DCK: variants seen among roughly 807,000 people sequenced by gnomAD.
DCK encodes deoxycytidine kinase.
A neutral mutation model predicts 38.3 loss-of-function variants in DCK; 23 were observed. That is an observed-to-expected ratio of 0.60 (90% CI 0.43 to 0.85). The LOEUF (loss-of-function observed/expected upper bound fraction) is 0.85, where lower values mean the gene tolerates loss of function less well. Ranked by LOEUF, DCK falls within the 40% of genes least tolerant of loss-of-function variation. The probability of loss-of-function intolerance (pLI) is 0.00; values close to 1 mark genes in which losing one functional copy is unlikely to be tolerated. For missense variants in DCK, 259 were observed against 304.4 expected, an observed-to-expected ratio of 0.85 and a Z score of 1.11; for synonymous variants, 108 against 100.6, an observed-to-expected ratio of 1.07 and a Z score of -0.44.
intron 2 of DCK, among the ~76,000 whole-genome samples, chr4:71,015,887 C>G (rs1183899640): frequency 6.6e-6 from 1 of 152,172 alleles, no homozygotes; most frequent in African/African-American, 2.4e-5. Context: ...CACGGATGCC[C>G]TCTCTCACCA....
At chr4:71,022,582 G>C (rs368359325) in intron 3 of DCK, 22 bp downstream of exon 3, 2 of 1,339,170 alleles carry the variant, frequency 1.5e-6, no homozygotes, top group Non-Finnish European at 1.9e-6. Flanking sequence ...TGGCTTGTAC[G>C]TGGCCATTTG....
chr4:71,016,856 T>C (rs1740278553), intron 2 of DCK, among the ~76,000 whole-genome samples: 2 of 152,226 alleles, frequency 1.3e-5, no homozygotes, highest in Non-Finnish European at 2.9e-5. Flanking sequence ...GCAATACTAT[T>C]TGGGACATAG....
At chr4:71,013,198 A>C (rs1740148400) in intron 2 of DCK, among the ~76,000 whole-genome samples, 1 of 152,172 alleles carries the variant, frequency 6.6e-6, no homozygotes, top group Admixed American at 6.5e-5. Context: ...GTGAGAAGAG[A>C]AGTTTAGAGA....
chr4:71,007,249 TTTAAAGTGGGTAAA>T (rs1206224529), intron 2 of DCK, among the ~76,000 whole-genome samples: 3 of 152,164 alleles, frequency 2.0e-5, no homozygotes, highest in Non-Finnish European at 4.4e-5. Flanking sequence ...ACAGTAGAAT[TTTAAAGTGGGTAAA>T]TTTGTTTATT....
chr4:71,013,743 A>G (rs1377177185), intron 2 of DCK, among the ~76,000 whole-genome samples: 1 of 152,236 alleles, frequency 6.6e-6, no homozygotes, highest in Non-Finnish European at 1.5e-5. Flanking sequence ...CTGCCCTACA[A>G]GAGCTCCGGA....
At chr4:71,023,159 A>G (rs1453213591) in intron 3 of DCK, among the ~76,000 whole-genome samples, 1 of 152,252 alleles carries the variant, frequency 6.6e-6, no homozygotes, top group Non-Finnish European at 1.5e-5. Flanking sequence ...ACAAAAAGTT[A>G]TATTTTCTAA....
chr4:71,029,003 C>T (rs560723768), intron 6 of DCK, among the ~76,000 whole-genome samples: 9 of 152,210 alleles, frequency 5.9e-5, no homozygotes, highest in African/African-American at 9.6e-5. Context: ...GTGATCTGCC[C>T]GCCTCGGCCT....
chr4:71,018,112 A>G (rs894568281), intron 2 of DCK, among the ~76,000 whole-genome samples: 6 of 144,444 alleles, frequency 4.2e-5, no homozygotes, highest in African/African-American at 1.5e-4. Flanking sequence ...TTAAATTTGT[A>G]TTCTAGATTA....
chr4:71,018,112 A>C (rs894568281), intron 2 of DCK, among the ~76,000 whole-genome samples: 1 of 144,444 alleles, frequency 6.9e-6, no homozygotes. Context: ...TTAAATTTGT[A>C]TTCTAGATTA....
At chr4:71,014,656 G>T (rs1740205184) in intron 2 of DCK, among the ~76,000 whole-genome samples, 1 of 152,090 alleles carries the variant, frequency 6.6e-6, no homozygotes, top group Non-Finnish European at 1.5e-5. Context: ...TGAATAACCT[G>T]CTCCTGAATG....
intron 2 of DCK, among the ~76,000 whole-genome samples, chr4:70,999,118 C>T (rs182041146): frequency 2.3e-4 from 35 of 152,076 alleles, no homozygotes; most frequent in African/African-American, 6.5e-4. Flanking sequence ...TTGCTGCACC[C>T]GTCAACCCGT....
intron 6 of DCK, among the ~76,000 whole-genome samples, chr4:71,027,683 G>T (rs930647525): frequency 2.6e-5 from 4 of 152,110 alleles, no homozygotes; most frequent in Non-Finnish European, 5.9e-5. Context: ...TGTAACTACT[G>T]TAGCGTATAC....
At chr4:71,016,581 CAG>C in intron 2 of DCK, among the ~76,000 whole-genome samples, 1 of 152,260 alleles carries the variant, frequency 6.6e-6, no homozygotes, top group African/African-American at 2.4e-5. Context: ...GGTACCAAAA[CAG>C]AGATATAGAC....
At chr4:71,021,066 CTTTTTTTTTTT>C (rs34109101) in intron 2 of DCK, among the ~76,000 whole-genome samples, 3 of 86,002 alleles carry the variant, frequency 3.5e-5, no homozygotes, top group Non-Finnish European at 7.2e-5. Flanking sequence ...GATGCTATTT[CTTTTTTTTTTT>C]TTTTTTTTTG....
intron 2 of DCK, among the ~76,000 whole-genome samples, chr4:71,009,583 A>G (rs1740035811): frequency 6.6e-6 from 1 of 152,186 alleles, no homozygotes; most frequent in South Asian, 2.1e-4. Context: ...ACTAGCATGC[A>G]GGTGATCCTA....
At chr4:71,011,959 A>G (rs1011564877) in intron 2 of DCK, among the ~76,000 whole-genome samples, 1 of 152,232 alleles carries the variant, frequency 6.6e-6, no homozygotes, top group Non-Finnish European at 1.5e-5. Flanking sequence ...AATGTAATAT[A>G]TTAAATTTTG....
Position 70,993,705 on chromosome 4 carries a change from C to G in DCK, c.-131C>G, listed in dbSNP as rs913257860. The stretch of plus-strand genomic sequence containing the variant: ...CAAACCCCGACACCCGCCGGCGGGC[C>G]GGTGAGCTCACTAGCTGACCCGGCA... On this transcript the variant is annotated 5_prime_UTR_variant, in exon 1 of 7. Transcript: ENST00000286648. 5.0e-6 allele frequency: 3 copies of G among 604,864 alleles called. No individual in the cohort carries two copies. The highest frequency in any genetic ancestry group is 8.6e-6 in the Non-Finnish European group (3 of 348,052). 37.5% of individuals were successfully genotyped at this position (604,864 alleles called of 1,614,324 possible).
chr4:70,994,730 G>A (rs1009757826), intron 1 of DCK, among the ~76,000 whole-genome samples: 2 of 152,150 alleles, frequency 1.3e-5, no homozygotes, highest in African/African-American at 4.8e-5. Flanking sequence ...CAAGCAAAGA[G>A]GTCTTTAATG....
intron 2 of DCK, among the ~76,000 whole-genome samples, chr4:71,008,309 ATTTT>A (rs1184258624): frequency 1.7e-4 from 26 of 151,894 alleles, no homozygotes; most frequent in Non-Finnish European, 3.2e-4. Context: ...TGGCTTTCTC[ATTTT>A]TGTCATTCTG....
Sources: gnomAD v4.1 joint callset for allele counts (sites outside exome capture counted in the v4.1 genomes callset) on GRCh38, gnomAD v4.1.1 for gene constraint, MANE v1.5 for transcripts, NCBI Gene and HGNC (gene_info 2026-07-23, HGNC 2026-07-21) for gene names.